The following ZDHHC11 variants were observed in gnomAD, a reference collection of about 807,000 sequenced individuals.
ZDHHC11 encodes the protein palmitoyltransferase ZDHHC11.
In ZDHHC11, 44 loss-of-function variants were observed where a neutral mutation model predicts 51.3. The ratio of observed to expected loss-of-function variants is 0.86; its 90% CI spans 0.67 to 1.10. The LOEUF is 1.10. Among genes scored for constraint, ZDHHC11 ranks in the 50% least tolerant of loss-of-function variants. The pLI is 0.00. For missense variants in ZDHHC11, 400 were observed against 537.7 expected (o/e 0.74, Z 2.53); for synonymous variants, 163 against 222.0 (o/e 0.73, Z 2.36).
intron 10 of ZDHHC11, among the ~76,000 whole-genome samples, chr5:815,700 C>T (rs1328591818): frequency 6.6e-6 from 1 of 151,610 alleles, no homozygotes; most frequent in Non-Finnish European, 1.5e-5. Flanking sequence ...GGCGATGTGG[C>T]ATCATCTTTC....
intron 11 of ZDHHC11, among the ~76,000 whole-genome samples, chr5:806,400 G>C (rs383763): frequency 0.084 from 12,620 of 149,724 alleles, 1,132 homozygotes; most frequent in African/African-American, 0.25. Flanking sequence ...ATCAACCAAA[G>C]ATAAAGTCTT....
At chr5:813,227 C>T (rs1740321162) in intron 11 of ZDHHC11, among the ~76,000 whole-genome samples, 1 of 142,012 alleles carries the variant, frequency 7.0e-6, no homozygotes, top group Non-Finnish European at 1.5e-5. Flanking sequence ...ACTTGGGAGG[C>T]TGAGGTGGGT....
intron 3 of ZDHHC11, among the ~76,000 whole-genome samples, chr5:843,938 G>T (rs936672766): frequency 3.5e-5 from 4 of 113,626 alleles, no homozygotes; most frequent in South Asian, 3.1e-4. Context: ...AGGCAGGGGC[G>T]GGGGCATGCA....
At chr5:819,310 C>G (rs566049934) in intron 10 of ZDHHC11, among the ~76,000 whole-genome samples, 2 of 151,662 alleles carry the variant, frequency 1.3e-5, no homozygotes, top group African/African-American at 4.8e-5. Context: ...CTTTGGTACC[C>G]GTCTGTCTCT....
chr5:850,189 C>G, intron 1 of ZDHHC11, 192 bp downstream of exon 1: 1 of 659,932 alleles, frequency 1.5e-6, no homozygotes, highest in Non-Finnish European at 2.6e-6. Context: ...CTGTCCTGTC[C>G]TGACCCTAAG....
rs1352959042 is a variant in ZDHHC11, at chr5:795,934, G to GTGCTCCCATTTCCCAGTAC, written c.*653_*654insGTACTGGGAAATGGGAGCA. ...TACTGTGCTCCCATTTCCCAGTACT[G>GTGCTCCCATTTCCCAGTAC]TGTGCTCCCATTTCTCAGTACTGTA... On this transcript the variant is annotated 3_prime_UTR_variant, in exon 13 of 13. Transcript: ENST00000283441. 2.9e-4 allele frequency: 9 copies of GTGCTCCCATTTCCCAGTAC among 31,460 alleles called. 1 individual carries two copies. Among genetic ancestry groups the GTGCTCCCATTTCCCAGTAC allele is most frequent in the Non-Finnish European group, 2.4e-3 (8 of 3,328 alleles). 1.9% of individuals were successfully genotyped at this position (31,460 alleles called of 1,614,324 possible).
At chr5:819,657 G>A in intron 9 of ZDHHC11, 45 bp from the exon 10 acceptor site, 1 of 1,586,158 alleles carries the variant, frequency 6.3e-7, no homozygotes, top group Non-Finnish European at 8.7e-7. Flanking sequence ...CAGTTTTGTA[G>A]GGCGCTCAGG....
intron 3 of ZDHHC11, among the ~76,000 whole-genome samples, chr5:846,371 G>A (rs1746157792): frequency 6.6e-6 from 1 of 151,128 alleles, no homozygotes; most frequent in Middle Eastern, 3.4e-3. Context: ...CTTTTCCCTG[G>A]TGATCTTCAC....
chr5:801,259 A>G (rs1256417028), intron 11 of ZDHHC11, 95 bp from the exon 12 acceptor site: 27 of 1,492,462 alleles, frequency 1.8e-5, no homozygotes, highest in East Asian at 2.3e-5. Context: ...ACAAGAGTAC[A>G]TTTTAGAGAT....
At chr5:851,059 A>G (rs754311709), upstream of ZDHHC11, 8 of 193,870 alleles carry the variant, frequency 4.1e-5, no homozygotes, top group Non-Finnish European at 8.5e-5. Context: ...CACACTGAGC[A>G]GAGGGCTGCG....
At chr5:806,500 C>CAAA (rs1739277505) in intron 11 of ZDHHC11, among the ~76,000 whole-genome samples, 1 of 150,612 alleles carries the variant, frequency 6.6e-6, no homozygotes, top group Non-Finnish European at 1.5e-5. Context: ...TAATCAAGAC[C>CAAA]AAAAAGCATT....
intron 10 of ZDHHC11, among the ~76,000 whole-genome samples, chr5:816,131 G>C (rs1740753622): frequency 6.6e-6 from 1 of 151,482 alleles, no homozygotes; most frequent in Admixed American, 6.6e-5. Context: ...TAAATATTCT[G>C]GATACAAGTA....
chr5:813,275 C>A (rs1740326875), intron 11 of ZDHHC11, among the ~76,000 whole-genome samples: 1 of 141,748 alleles, frequency 7.1e-6, no homozygotes, highest in African/African-American at 2.8e-5. Flanking sequence ...TTGTAGTGAC[C>A]TGAGATTGTG....
At chr5:833,170 C>T (rs139620078) in intron 7 of ZDHHC11, among the ~76,000 whole-genome samples, 7,970 of 150,818 alleles carry the variant, frequency 0.053, 128 homozygotes, top group African/African-American at 0.074. Flanking sequence ...TGAACTGCTC[C>T]ACCCTTTTGA....
At chr5:804,586 A>C (rs1346506131) in intron 11 of ZDHHC11, among the ~76,000 whole-genome samples, 1 of 151,336 alleles carries the variant, frequency 6.6e-6, no homozygotes, top group African/African-American at 2.4e-5. Flanking sequence ...ACAACAAGAG[A>C]ATTTTGAAGG....
At chr5:855,091 G>GCAA (rs1747977491), upstream of ZDHHC11, among the ~76,000 whole-genome samples, 2 of 147,624 alleles carry the variant, frequency 1.4e-5, no homozygotes, top group African/African-American at 2.5e-5. Context: ...CGAGCCGCGG[G>GCAA]GACAGACCCC....
At chr5:805,978 G>T (rs1182583194) in intron 11 of ZDHHC11, among the ~76,000 whole-genome samples, 1 of 151,026 alleles carries the variant, frequency 6.6e-6, no homozygotes, top group Non-Finnish European at 1.5e-5. Context: ...CACAGCAAGC[G>T]GCTAGCCTCT....
intron 10 of ZDHHC11, among the ~76,000 whole-genome samples, chr5:817,623 G>A (rs1204652805): frequency 1.3e-4 from 20 of 151,176 alleles, no homozygotes. Context: ...TTTCTAGGGA[G>A]GTTAAACTTT....
chr5:825,749 C>T (rs1742275470), intron 7 of ZDHHC11, among the ~76,000 whole-genome samples: 1 of 152,278 alleles, frequency 6.6e-6, no homozygotes, highest in South Asian at 2.1e-4. Flanking sequence ...AACTCCGCTG[C>T]TGTCTCAAAA....
Sources: gnomAD v4.1 joint callset for allele counts (sites outside exome capture counted in the v4.1 genomes callset) on GRCh38, gnomAD v4.1.1 for gene constraint, MANE v1.5 for transcripts, NCBI Gene and HGNC (gene_info 2026-07-23, HGNC 2026-07-21) for gene names.